The following DPP6 variants were observed in gnomAD, a reference collection of about 807,000 sequenced individuals.
The protein encoded by DPP6 is A-type potassium channel modulatory protein DPP6.
Under a neutral mutation model 122.6 loss-of-function variants are expected in DPP6, and 69 were observed. That is an observed-to-expected ratio of 0.56 (90% confidence interval 0.46 to 0.69). DPP6 has a LOEUF of 0.69. Among genes scored for constraint, DPP6 ranks in the 30% least tolerant of loss-of-function variants. The pLI is 0.00. For synonymous variants in DPP6, 418 were observed against 433.1 expected, an observed-to-expected ratio of 0.97 and a Z score of 0.43; for missense variants, 928 against 1,116.9, an observed-to-expected ratio of 0.83 and a Z score of 2.41.
chr7:153,915,228 G>T (rs1434207137), intron 1 of DPP6, among the ~76,000 whole-genome samples: 2 of 152,132 alleles, frequency 1.3e-5, no homozygotes, highest in Non-Finnish European at 2.9e-5. Flanking sequence ...CTTGTCCAAA[G>T]TGACTCTACT....
In DPP6 at chr7:154,686,376, C is replaced by T. The variant is rs181041092; in HGVS notation, c.762+16935C>T. On this transcript the variant is annotated intron_variant, in intron 7 of 25. Transcript: ENST00000377770. ...GTAAATACAGTGTTATTACCATGAA[C>T]GTGATATTTGTATATTTGTATTCAA... 1.1e-4 allele frequency among the ~76,000 whole-genome samples: 17 copies of T among 151,296 alleles called. No homozygotes were observed. In the East Asian group the frequency reaches 1.9e-3, roughly 17 times the overall value.
chr7:154,585,547 C>T (rs1332767371), intron 5 of DPP6, among the ~76,000 whole-genome samples: 2 of 152,144 alleles, frequency 1.3e-5, no homozygotes, highest in East Asian at 1.9e-4. Flanking sequence ...CCAGAACCCC[C>T]GTGGGTACCA....
intron 1 of DPP6, among the ~76,000 whole-genome samples, chr7:154,423,276 A>G (rs1817630710): frequency 6.6e-6 from 1 of 152,188 alleles, no homozygotes; most frequent in South Asian, 2.1e-4. Context: ...TAGTAGAGTC[A>G]GGGAGGTGAA....
At chr7:153,968,350 G>A (rs1287197069) in intron 1 of DPP6, among the ~76,000 whole-genome samples, 1 of 152,052 alleles carries the variant, frequency 6.6e-6, no homozygotes, top group Non-Finnish European at 1.5e-5. Context: ...CTGCTTGTAT[G>A]TCTTCTTTTG....
chr7:154,537,725 G>A (rs564215235), intron 3 of DPP6, among the ~76,000 whole-genome samples: 2 of 147,496 alleles, frequency 1.4e-5, no homozygotes, highest in South Asian at 2.2e-4. Context: ...AAGAAGGAAG[G>A]AAGAAAGAAA....
intron 1 of DPP6, among the ~76,000 whole-genome samples, chr7:154,071,270 T>C (rs1803101738): frequency 6.6e-6 from 1 of 152,202 alleles, no homozygotes; most frequent in East Asian, 1.9e-4. Flanking sequence ...ATTTTCTCTT[T>C]CTTTATCCCT....
chr7:154,492,142 G>A (rs980998839), intron 3 of DPP6, among the ~76,000 whole-genome samples: 1 of 152,166 alleles, frequency 6.6e-6, no homozygotes, highest in Admixed American at 6.5e-5. Flanking sequence ...GACAAGCTTT[G>A]TACCTTGTAT....
intron 1 of DPP6, among the ~76,000 whole-genome samples, chr7:154,320,270 G>A (rs905495869): frequency 1.3e-5 from 2 of 151,894 alleles, no homozygotes; most frequent in Admixed American, 6.6e-5. Flanking sequence ...ACTTCAGGCC[G>A]GCCCTGTGTC....
intron 22 of DPP6, among the ~76,000 whole-genome samples, chr7:154,886,793 G>A (rs866381921): frequency 4.6e-5 from 7 of 152,126 alleles, no homozygotes; most frequent in African/African-American, 1.4e-4. Flanking sequence ...TGTAGACACC[G>A]CCCAGCAAGG....
intron 1 of DPP6, among the ~76,000 whole-genome samples, chr7:154,366,867 A>G (rs1812234580): frequency 1.3e-5 from 2 of 152,208 alleles, no homozygotes; most frequent in Non-Finnish European, 2.9e-5. Flanking sequence ...AGCCTTAGAA[A>G]TTCCTCAGAA....
At chr7:154,141,593 G>C (rs1320166529) in intron 1 of DPP6, among the ~76,000 whole-genome samples, 3 of 152,324 alleles carry the variant, frequency 2.0e-5, no homozygotes, top group South Asian at 4.1e-4. Context: ...GTCCCAGTAG[G>C]TACTTTGCAA....
At chr7:154,030,185 G>T (rs961462306) in intron 1 of DPP6, among the ~76,000 whole-genome samples, 3 of 152,170 alleles carry the variant, frequency 2.0e-5, no homozygotes, top group Non-Finnish European at 4.4e-5. Flanking sequence ...GACAGAGCAA[G>T]ACCCTGTCTA....
At chr7:154,591,469 G>A (rs1372135855) in intron 5 of DPP6, among the ~76,000 whole-genome samples, 2 of 152,102 alleles carry the variant, frequency 1.3e-5, no homozygotes, top group East Asian at 1.9e-4. Flanking sequence ...TGATGCCAGG[G>A]ATAATTATGG....
At chr7:153,916,426 C>T (rs1480971159) in intron 1 of DPP6, among the ~76,000 whole-genome samples, 1 of 142,180 alleles carries the variant, frequency 7.0e-6, no homozygotes, top group African/African-American at 2.6e-5. Flanking sequence ...CCCCTCCCCT[C>T]CCCTCTTCGA....
intron 5 of DPP6, among the ~76,000 whole-genome samples, chr7:154,636,022 T>C (rs975142030): frequency 5.3e-5 from 8 of 152,152 alleles, no homozygotes; most frequent in African/African-American, 1.9e-4. Flanking sequence ...TCTCTTCTCT[T>C]CTCTCTCCTC....
chr7:154,044,868 A>AT (rs896735182), intron 1 of DPP6, among the ~76,000 whole-genome samples: 52 of 151,482 alleles, frequency 3.4e-4, no homozygotes, highest in Non-Finnish European at 5.2e-4. Context: ...GGCACGGAAG[A>AT]TTTTTTTTAT....
chr7:153,873,718 A>C, the DPP6 span, among the ~76,000 whole-genome samples: 1 of 152,210 alleles, frequency 6.6e-6, no homozygotes, highest in African/African-American at 2.4e-5. Flanking sequence ...GAAATGGAAG[A>C]CTGCTGTTAC....
chr7:153,782,014 G>A, the DPP6 span, among the ~76,000 whole-genome samples: 2 of 114,294 alleles, frequency 1.7e-5, no homozygotes, highest in African/African-American at 7.2e-5. Context: ...ACACACGCCT[G>A]ACATTTAATA....
At chr7:154,369,427 G>T (rs1165550371) in intron 1 of DPP6, among the ~76,000 whole-genome samples, 1 of 151,744 alleles carries the variant, frequency 6.6e-6, no homozygotes, top group African/African-American at 2.4e-5. Context: ...GAGTGAAATG[G>T]CATGATCTTG....
Sources: allele counts gnomAD v4.1 joint callset (sites outside exome capture counted in the v4.1 genomes callset), GRCh38; gene constraint gnomAD v4.1.1; transcripts MANE v1.5; gene names NCBI Gene and HGNC (gene_info 2026-07-23, HGNC 2026-07-21).